PRKN: variants seen among roughly 807,000 people sequenced by gnomAD.
The protein encoded by PRKN is parkin RBR E3 ubiquitin protein ligase.
PRKN carries 56 observed loss-of-function variants against 59.5 expected under a neutral mutation model. The ratio of observed to expected loss-of-function variants is 0.94; its 90% CI spans 0.76 to 1.18. PRKN has a LOEUF of 1.18. PRKN is among the 50% of genes most tolerant of loss of function. The pLI, the probability that PRKN is intolerant of heterozygous loss-of-function variation, is 0.00. For synonymous variants in PRKN, 250 were observed against 222.1 expected, an observed-to-expected ratio of 1.13 and a Z score of -1.12; for missense variants, 657 against 596.4, an observed-to-expected ratio of 1.10 and a Z score of -1.06.
chr6:161,767,566 C>T (rs527733987), intron 7 of PRKN, among the ~76,000 whole-genome samples: 5 of 152,030 alleles, frequency 3.3e-5, no homozygotes, highest in South Asian at 2.1e-4. Flanking sequence ...AAGAACGCTC[C>T]GAAGCAAAGC....
chr6:161,757,921 AT>A (rs1373960071), intron 7 of PRKN, among the ~76,000 whole-genome samples: 1 of 119,902 alleles, frequency 8.3e-6, no homozygotes, highest in African/African-American at 3.2e-5. Flanking sequence ...ACACACACAC[AT>A]CTCTCTCTCT....
At chr6:162,365,345 C>G (rs1006786192) in intron 2 of PRKN, among the ~76,000 whole-genome samples, 1 of 151,864 alleles carries the variant, frequency 6.6e-6, no homozygotes, top group Non-Finnish European at 1.5e-5. Context: ...TTTTTCATGT[C>G]TAGACAGTAC....
intron 7 of PRKN, among the ~76,000 whole-genome samples, chr6:161,625,134 T>C (rs377680135): frequency 2.6e-5 from 4 of 152,340 alleles, no homozygotes; most frequent in Admixed American, 2.0e-4. Context: ...TGCAGCACTA[T>C]TCACAATAGC....
intron 2 of PRKN, among the ~76,000 whole-genome samples, chr6:162,343,864 T>C (rs1259029889): frequency 6.6e-6 from 1 of 152,108 alleles, no homozygotes; most frequent in South Asian, 2.1e-4. Flanking sequence ...AACCAACATA[T>C]ACAAAAACGT....
intron 9 of PRKN, among the ~76,000 whole-genome samples, chr6:161,424,051 T>G (rs1281491826): frequency 6.6e-6 from 1 of 152,030 alleles, no homozygotes; most frequent in African/African-American, 2.4e-5. Flanking sequence ...AAGAGTTGAT[T>G]TGAGGCCAGC....
chr6:161,751,436 C>T (rs1246929004), intron 7 of PRKN, among the ~76,000 whole-genome samples: 1 of 152,200 alleles, frequency 6.6e-6, no homozygotes, highest in African/African-American at 2.4e-5. Flanking sequence ...GGTTTGTTAT[C>T]TTGCACTAAA....
intron 6 of PRKN, among the ~76,000 whole-genome samples, chr6:161,959,294 A>C (rs1469287833): frequency 6.6e-6 from 1 of 152,094 alleles, no homozygotes; most frequent in African/African-American, 2.4e-5. Context: ...TGGCAGCCGC[A>C]CCGAGAGGCT....
At chr6:162,164,057 GC>G (rs1782876029) in intron 4 of PRKN, among the ~76,000 whole-genome samples, 1 of 149,306 alleles carries the variant, frequency 6.7e-6, no homozygotes, top group African/African-American at 2.5e-5. Context: ...GGTTGAGGAA[GC>G]CTGCCCCTCT....
chr6:162,429,215 C>T (rs1490317436), intron 2 of PRKN, among the ~76,000 whole-genome samples: 1 of 152,126 alleles, frequency 6.6e-6, no homozygotes, highest in African/African-American at 2.4e-5. Context: ...CCCTGATGCC[C>T]TCAGCAACCC....
At chr6:161,915,103 G>A (rs541536140) in intron 6 of PRKN, among the ~76,000 whole-genome samples, 1 of 152,204 alleles carries the variant, frequency 6.6e-6, no homozygotes, top group South Asian at 2.1e-4. Context: ...TGGCCAACAT[G>A]GTGAAACCCC....
chr6:161,756,872 G>A (rs548043897), intron 7 of PRKN, among the ~76,000 whole-genome samples: 7 of 152,156 alleles, frequency 4.6e-5, no homozygotes, highest in South Asian at 2.1e-4. Flanking sequence ...AAGACAGTAC[G>A]CTATTGGCAT....
intron 7 of PRKN, among the ~76,000 whole-genome samples, chr6:161,662,861 A>T (rs1784596437): frequency 6.6e-6 from 1 of 152,176 alleles, no homozygotes. Context: ...ATTCATACCT[A>T]GTGGGATAAA....
intron 1 of PRKN, among the ~76,000 whole-genome samples, chr6:162,587,796 CAGAA>C (rs1311258632): frequency 1.3e-5 from 2 of 151,950 alleles, no homozygotes; most frequent in Non-Finnish European, 2.9e-5. Flanking sequence ...TAAAGAAGCA[CAGAA>C]AGAAAGTAAT....
chr6:162,450,571 A>G (rs955374818), intron 1 of PRKN, among the ~76,000 whole-genome samples: 22 of 152,334 alleles, frequency 1.4e-4, no homozygotes, highest in Middle Eastern at 6.8e-3. Flanking sequence ...CCCTTGACAC[A>G]GTGTGATGCA....
chr6:161,934,109 C>T (rs531828896), intron 6 of PRKN, among the ~76,000 whole-genome samples: 6 of 152,302 alleles, frequency 3.9e-5, no homozygotes, highest in East Asian at 1.9e-4. Context: ...GGGGGCGCTT[C>T]GCCATGAAGT....
At chr6:161,572,542 C>A (rs1780930565) in intron 7 of PRKN, among the ~76,000 whole-genome samples, 1 of 152,104 alleles carries the variant, frequency 6.6e-6, no homozygotes. Flanking sequence ...CATCTGTAAT[C>A]CCAGCTACTT....
At chr6:162,039,666 T>C (rs1783987746) in intron 5 of PRKN, among the ~76,000 whole-genome samples, 1 of 152,210 alleles carries the variant, frequency 6.6e-6, no homozygotes, top group Non-Finnish European at 1.5e-5. Context: ...TAGATAAGCC[T>C]CTTTTCCTTA....
chr6:162,342,872 G>A (rs12212880), intron 2 of PRKN, among the ~76,000 whole-genome samples: 1 of 152,026 alleles, frequency 6.6e-6, no homozygotes, highest in Non-Finnish European at 1.5e-5. Context: ...TCTTTGCTTA[G>A]TTTTATTTTC....
intron 7 of PRKN, among the ~76,000 whole-genome samples, chr6:161,616,962 C>T (rs1264106999): frequency 2.0e-5 from 3 of 152,134 alleles, no homozygotes; most frequent in Non-Finnish European, 4.4e-5. Context: ...ATTTCTGGTT[C>T]TAGATCCTTG....
Sources: gnomAD v4.1 joint callset for allele counts (sites outside exome capture counted in the v4.1 genomes callset) on GRCh38, gnomAD v4.1.1 for gene constraint, MANE v1.5 for transcripts, NCBI Gene and HGNC (gene_info 2026-07-23, HGNC 2026-07-21) for gene names.